BAG3: variants seen among roughly 807,000 people sequenced by gnomAD.
BAG3 encodes the protein BAG family molecular chaperone regulator 3.
Under a neutral mutation model 40.5 loss-of-function variants are expected in BAG3, and 14 were observed. The ratio of observed to expected loss-of-function variants is 0.35; its 90% CI spans 0.23 to 0.54. The LOEUF (loss-of-function observed/expected upper bound fraction) is 0.54. Ranked by LOEUF, BAG3 falls within the 20% of genes least tolerant of loss-of-function variation. The probability of loss-of-function intolerance (pLI) is 0.91; values close to 1 mark genes in which losing one functional copy is unlikely to be tolerated. For missense variants in BAG3, 788 were observed against 758.6 expected (o/e 1.04, Z -0.46); for synonymous variants, 302 against 307.8 (o/e 0.98, Z 0.20).
rs773436678 is a variant in BAG3 at position 119,669,833 on chromosome 10, C to G, written c.181-18C>G. 5.0e-6 allele frequency: 8 copies of G among 1,611,952 alleles called. No individual in the cohort carries two copies. The East Asian group carries it at 1.8e-4, about 36-fold the overall frequency. ...CCCAGTTTCTAACCAGCCTGTGTTTCTCCACTTTTTATTTCAGGAGACTCC... is the reference window on the plus strand; with the variant it reads ...CCCAGTTTCTAACCAGCCTGTGTTTGTCCACTTTTTATTTCAGGAGACTCC... On this transcript the variant is annotated intron_variant, in intron 1 of 3. Coordinates refer to ENST00000369085, the MANE Select transcript of BAG3 (RefSeq NM_004281.4).
At position 119,672,297 on chromosome 10, in the gene BAG3, T is replaced by C; in HGVS notation, c.550T>C (p.Ser184Pro). Reference protein sequence around the residue: ...PAASDCSSSSSSASLPSSGRS... With the variant: ...PAASDCSSSSPSASLPSSGRS... ...TGCCTCTGACTGCTCATCCTCATCC[T>C]CCTCGGCCAGCCTGCCTTCCTCCGG... Residue 184 changes from serine to proline, a missense_variant, in exon 3 of 4, where the codon TCC becomes CCC. Transcript: ENST00000369085. This position sits in a 1 kb window ranked among gnomAD's most constrained non-coding sequence, Gnocchi z 4.8. 6.2e-7 allele frequency: 1 copy of C among 1,613,894 alleles called. No individual in the cohort carries two copies. Among genetic ancestry groups the C allele is most frequent in the Non-Finnish European group, 8.5e-7 (1 of 1,179,988 alleles).
intron 1 of BAG3, among the ~76,000 whole-genome samples, chr10:119,652,936 TTAAAA>T (rs1272248132): frequency 6.6e-6 from 1 of 152,252 alleles, no homozygotes; most frequent in East Asian, 1.9e-4. Flanking sequence ...TAAAAAGTTT[TTAAAA>T]TAAATATGTT....
At chr10:119,652,557 C>T (rs1846857866) in intron 1 of BAG3, among the ~76,000 whole-genome samples, 1 of 152,158 alleles carries the variant, frequency 6.6e-6, no homozygotes, top group Non-Finnish European at 1.5e-5. Context: ...TGTGCTTCTC[C>T]CCAGCAGTTT....
At chr10:119,653,993 G>A (rs1846877809) in intron 1 of BAG3, among the ~76,000 whole-genome samples, 1 of 152,184 alleles carries the variant, frequency 6.6e-6, no homozygotes, top group South Asian at 2.1e-4. Flanking sequence ...CTCAAGAAAA[G>A]AGTTCCCTTT....
Position 119,660,407 on chromosome 10 carries a change from T to C in BAG3, c.180+8552T>C, listed in dbSNP as rs554543038. Among the ~76,000 whole-genome samples the C allele has an allele frequency of 1.1e-4, 16 of 152,334 alleles. No homozygotes were observed. The South Asian group carries it at 3.1e-3, about 30-fold the overall frequency. ...AGGTCCCTAGAGTTGTCTTTGGCTC[T>C]TTGCTTCCAGGCTGTGAAACTTTAG... is the stretch of plus-strand genomic sequence containing the variant. On this transcript the variant is annotated intron_variant, in intron 1 of 3. Coordinates refer to ENST00000369085, the MANE Select transcript of BAG3 (RefSeq NM_004281.4).
intron 1 of BAG3, among the ~76,000 whole-genome samples, chr10:119,664,806 AT>A (rs1490849775): frequency 6.6e-6 from 1 of 151,884 alleles, no homozygotes; most frequent in Non-Finnish European, 1.5e-5. Context: ...AATATTACAC[AT>A]TTTTTCTTTT....
At chr10:119,657,346 T>C (rs899242845) in intron 1 of BAG3, 7 of 334,466 alleles carry the variant, frequency 2.1e-5, no homozygotes, top group African/African-American at 1.5e-4. Context: ...TATTTTAATT[T>C]GAATCTTTTT....
chr10:119,661,120 C>T (rs779802886), intron 1 of BAG3, among the ~76,000 whole-genome samples: 6 of 149,108 alleles, frequency 4.0e-5, no homozygotes, highest in Admixed American at 6.7e-5. Flanking sequence ...ATTAGCTGGG[C>T]GTGGTGGCAG....
chr10:119,676,349 T>G, intron 3 of BAG3, 115 bp from the exon 4 acceptor site: 1 of 1,111,146 alleles, frequency 9.0e-7, no homozygotes, highest in East Asian at 2.4e-5. Context: ...TTTATACTAT[T>G]AAACTTTTTT....
At chr10:119,664,909 GT>G (rs539766850) in intron 1 of BAG3, among the ~76,000 whole-genome samples, 4 of 152,018 alleles carry the variant, frequency 2.6e-5, no homozygotes, top group Non-Finnish European at 5.9e-5. Context: ...TCCAGGTGGT[GT>G]TTTTTGTGTG....
chr10:119,656,102 T>G (rs1197320372), intron 1 of BAG3, among the ~76,000 whole-genome samples: 2 of 152,220 alleles, frequency 1.3e-5, no homozygotes, highest in Non-Finnish European at 2.9e-5. Context: ...TCATCCAAAG[T>G]AGAAAACCAT....
intron 3 of BAG3, among the ~76,000 whole-genome samples, chr10:119,674,250 G>T (rs1847189645): frequency 1.3e-5 from 2 of 152,224 alleles, no homozygotes; most frequent in Non-Finnish European, 2.9e-5. Context: ...GTTGTGAGTG[G>T]TAAGGGCCAA....
At chr10:119,665,532 G>T (rs993673110) in intron 1 of BAG3, among the ~76,000 whole-genome samples, 3 of 152,010 alleles carry the variant, frequency 2.0e-5, no homozygotes, top group African/African-American at 7.3e-5. Context: ...ACCCGCCTCG[G>T]CCTCCCAAAG....
chr10:119,655,853 CT>C (rs1446279940), intron 1 of BAG3, among the ~76,000 whole-genome samples: 3 of 151,804 alleles, frequency 2.0e-5, no homozygotes, highest in Non-Finnish European at 4.4e-5. Flanking sequence ...TAGATTTGCC[CT>C]TTATGAGGGT....
At position 119,669,870 on chromosome 10, in the gene BAG3, A is replaced by C. The variant is rs572036022; in HGVS notation, c.200A>C (p.Asn67Thr). The change falls in exon 2 of 4, where the codon AAT (asparagine) becomes ACT (threonine). Residue 67 changes from asparagine to threonine, a missense_variant. Asn to Thr is a moderately conservative substitution (Grantham distance 65). Coordinates refer to ENST00000369085, the MANE Select transcript of BAG3 (RefSeq NM_004281.4). ...EGPKETPSSA[N>T]GPSREGSRLP... is the part of the protein sequence containing the mutation. ...TTTCAGGAGACTCCATCCTCTGCCA[A>C]TGGCCCTTCCCGGGAGGGCTCTAGG... 3.1e-6 allele frequency: 5 copies of C among 1,614,058 alleles called. No individual in the cohort carries two copies.
rs372417286 is a variant in BAG3, at chr10:119,676,916, C to G, written c.1362C>G (p.Ile454Met). The change falls in exon 4 of 4, where the codon ATC (isoleucine) becomes ATG (methionine). Residue 454 changes from isoleucine to methionine, a missense_variant. Physicochemically the swap from Ile to Met is conservative, Grantham distance 10. Transcript: ENST00000369085. Reference protein sequence around the residue: ...GKKTDKKYLMIEEYLTKELLA... With the variant: ...GKKTDKKYLMMEEYLTKELLA... ...AGACTGACAAAAAGTACCTGATGAT[C>G]GAAGAGTATTTGACCAAAGAGCTGC... 6 of 1,614,092 alleles carry G rather than the reference C, an allele frequency of 3.7e-6. No homozygotes were observed. Among genetic ancestry groups the G allele is most frequent in the Non-Finnish European group, 5.1e-6 (6 of 1,180,034 alleles).
chr10:119,661,486 A>C (rs367826922), intron 1 of BAG3, among the ~76,000 whole-genome samples: 1 of 152,136 alleles, frequency 6.6e-6, no homozygotes, highest in Non-Finnish European at 1.5e-5. Flanking sequence ...CCAGGGTGGC[A>C]CCTTGAAGAC....
At chr10:119,654,861 T>C (rs190147222) in intron 1 of BAG3, among the ~76,000 whole-genome samples, 79 of 152,316 alleles carry the variant, frequency 5.2e-4, no homozygotes, top group Non-Finnish European at 8.7e-4. Context: ...TCCTCCCTCA[T>C]GGAGCAGGGC....
At chr10:119,671,419 G>A (rs1847148382) in intron 2 of BAG3, among the ~76,000 whole-genome samples, 1 of 152,228 alleles carries the variant, frequency 6.6e-6, no homozygotes, top group African/African-American at 2.4e-5. Context: ...GCACTTAGAA[G>A]AGGAAATGCT....
Sources: gnomAD v4.1 joint callset for allele counts (sites outside exome capture counted in the v4.1 genomes callset) on GRCh38, gnomAD v4.1.1 for gene constraint, Gnocchi (gnomAD v3.1) non-coding constraint, MANE v1.5 for transcripts, NCBI Gene and HGNC (gene_info 2026-07-23, HGNC 2026-07-21) for gene names.